Variants in NUP98 observed in about 807,000 individuals in gnomAD.
NUP98 encodes nuclear pore complex protein Nup98-Nup96.
Under a neutral mutation model 191.9 loss-of-function variants are expected in NUP98, and 26 were observed. The ratio of observed to expected loss-of-function variants is 0.14; its 90% CI spans 0.10 to 0.19. The LOEUF (loss-of-function observed/expected upper bound fraction) is 0.19, where lower values mean the gene tolerates loss of function less well. NUP98 is among the 10% of genes least tolerant of loss of function. The pLI, the probability that NUP98 is intolerant of heterozygous loss-of-function variation, is 1.00. For synonymous variants in NUP98, 808 were observed against 778.4 expected, an observed-to-expected ratio of 1.04 and a Z score of -0.63; for missense variants, 1,941 against 2,178.8, an observed-to-expected ratio of 0.89 and a Z score of 2.17.
intron 10 of NUP98, among the ~76,000 whole-genome samples, chr11:3,759,720 T>C (rs1007159078): frequency 1.3e-5 from 2 of 152,194 alleles, no homozygotes; most frequent in Non-Finnish European, 2.9e-5. Flanking sequence ...TTTCCAGATT[T>C]TCAACAATGA....
At chr11:3,721,268 T>C (rs1699273439) in intron 16 of NUP98, among the ~76,000 whole-genome samples, 1 of 152,222 alleles carries the variant, frequency 6.6e-6, no homozygotes, top group African/African-American at 2.4e-5. Flanking sequence ...AAATAACTTG[T>C]GTTGGCTTAT....
intron 13 of NUP98, 22 bp from the exon 14 acceptor site, chr11:3,731,600 G>A: frequency 1.3e-6 from 2 of 1,498,252 alleles, no homozygotes; most frequent in Non-Finnish European, 1.8e-6. Flanking sequence ...AAGCATCAAG[G>A]AAATTTTTGG....
At chr11:3,779,598 G>A (rs1164729418) in intron 2 of NUP98, among the ~76,000 whole-genome samples, 2 of 150,604 alleles carry the variant, frequency 1.3e-5, no homozygotes, top group African/African-American at 4.9e-5. Context: ...CCAAGATCGT[G>A]CCACTGCACT....
chr11:3,765,528 A>G (rs935004567), intron 8 of NUP98, among the ~76,000 whole-genome samples: 1 of 152,172 alleles, frequency 6.6e-6, no homozygotes, highest in East Asian at 1.9e-4. Context: ...GGCCAGGCAT[A>G]GTGGCTCACA....
chr11:3,773,186 G>C (rs1302315016), intron 6 of NUP98, among the ~76,000 whole-genome samples: 1 of 152,074 alleles, frequency 6.6e-6, no homozygotes. Context: ...AAAATCGCTT[G>C]AGCTCAGGAG....
chr11:3,698,077 TTAC>T (rs1261178626), intron 25 of NUP98, among the ~76,000 whole-genome samples: 2 of 152,134 alleles, frequency 1.3e-5, no homozygotes, highest in South Asian at 4.1e-4. Context: ...AGGAAGAAAT[TTAC>T]TACTATGGTA....
At chr11:3,780,754 G>A (rs1347599887) in intron 2 of NUP98, among the ~76,000 whole-genome samples, 1 of 151,406 alleles carries the variant, frequency 6.6e-6, no homozygotes, top group African/African-American at 2.4e-5. Context: ...TGGGCAACAC[G>A]GCAAGATCTC....
In NUP98 at chr11:3,676,513, C is replaced by T; in HGVS notation, c.5181G>A (p.Gln1727=). The stretch of plus-strand genomic sequence containing the variant: ...GTGAGGAGGTTAGAGGCTTACCTGA[C>T]TGAGCCAGGCGATCTTTAGCACTGT... ...QCYSAKDRLA[Q]SDMAKRVANL... The change falls in exon 32 of 33, where the codon CAG becomes CAA. Residue 1727 remains glutamine (Q), a synonymous_variant. Transcript: ENST00000324932. The T allele has an allele frequency of 6.2e-7, 1 of 1,613,792 alleles. No homozygotes were observed. The highest frequency in any genetic ancestry group is 8.5e-7 in the Non-Finnish European group (1 of 1,179,674).
chr11:3,692,986 A>G, intron 27 of NUP98: 1 of 387,298 alleles, frequency 2.6e-6, no homozygotes, highest in East Asian at 4.2e-5. Flanking sequence ...GGAATTCCCA[A>G]AGAAGTAAGA....
At position 3,699,229 on chromosome 11, in the gene NUP98, C is replaced by T; in HGVS notation, c.3862G>A (p.Ala1288Thr). ...EYIQILERRR[A>T]FSRWLSCTAT... ...GTACAGGATAGCCAGCGGGAGAAAG[C>T]TCTTCTTCGCTCCAGAATTTGAATG... The change falls in exon 25 of 33, where the codon GCT becomes ACT. Residue 1288 changes from alanine (A) to threonine (T), a missense_variant. This residue lies in a region of NUP98 where 1,030 missense variants were observed against 1,115.8 expected (regional missense o/e 0.92). Coordinates refer to ENST00000324932, the MANE Select transcript of NUP98 (RefSeq NM_016320.5). 2 of 1,614,204 alleles carry T rather than the reference C, an allele frequency of 1.2e-6. No individual in the cohort carries two copies. Among genetic ancestry groups the T allele is most frequent in the African/African-American group, 2.7e-5 (2 of 75,044 alleles).
intron 28 of NUP98, among the ~76,000 whole-genome samples, chr11:3,688,820 CATAT>C (rs71041372): frequency 0.011 from 1,491 of 136,200 alleles, 12 homozygotes; most frequent in Middle Eastern, 0.023. Flanking sequence ...TTTAAATATA[CATAT>C]ATATATATAT....
At chr11:3,789,778 ATTTT>A (rs2082273754) in intron 1 of NUP98, among the ~76,000 whole-genome samples, 1 of 148,366 alleles carries the variant, frequency 6.7e-6, no homozygotes, top group Non-Finnish European at 1.5e-5. Flanking sequence ...CCATTTACTT[ATTTT>A]TTATTTATTT....
At chr11:3,777,254 TA>T (rs879559293) in intron 4 of NUP98, among the ~76,000 whole-genome samples, 81 of 151,770 alleles carry the variant, frequency 5.3e-4, no homozygotes, top group Middle Eastern at 3.4e-3. Flanking sequence ...AAGCTGAGTT[TA>T]AAAAAAAATT....
At chr11:3,694,604 G>T (rs560217888) in intron 26 of NUP98, among the ~76,000 whole-genome samples, 1 of 152,094 alleles carries the variant, frequency 6.6e-6, no homozygotes, top group Non-Finnish European at 1.5e-5. Flanking sequence ...GCCCAGCGTG[G>T]TGGCAGGTGC....
chr11:3,784,748 T>C (rs2133960806), intron 1 of NUP98, among the ~76,000 whole-genome samples: 1 of 151,734 alleles, frequency 6.6e-6, no homozygotes, highest in Admixed American at 6.6e-5. Flanking sequence ...CAAACAAAAA[T>C]ACAAACCCCC....
chr11:3,694,904 G>T (rs1207977986), intron 26 of NUP98, among the ~76,000 whole-genome samples: 1 of 151,642 alleles, frequency 6.6e-6, no homozygotes, highest in Non-Finnish European at 1.5e-5. Flanking sequence ...TTTTTTAAAT[G>T]AACAAAATAT....
At chr11:3,740,362 T>C (rs1469313932) in intron 12 of NUP98, among the ~76,000 whole-genome samples, 1 of 151,798 alleles carries the variant, frequency 6.6e-6, no homozygotes, top group Non-Finnish European at 1.5e-5. Flanking sequence ...AATACAAAAA[T>C]TAGCCGGGCG....
At chr11:3,698,200 C>T (rs186846387) in intron 25 of NUP98, among the ~76,000 whole-genome samples, 81 of 152,172 alleles carry the variant, frequency 5.3e-4, no homozygotes, top group Admixed American at 1.2e-3. Flanking sequence ...CAGGATATCA[C>T]CTTTGAAAAG....
chr11:3,752,573 G>C (rs1168328627), intron 11 of NUP98, among the ~76,000 whole-genome samples: 2 of 151,290 alleles, frequency 1.3e-5, no homozygotes, highest in Non-Finnish European at 2.9e-5. Context: ...ACAGATGAAT[G>C]CTCAGATGAT....
Sources: gnomAD v4.1 joint callset for allele counts (sites outside exome capture counted in the v4.1 genomes callset) on GRCh38, gnomAD v4.1.1 for gene constraint, gnomAD v4.1.1 regional missense constraint, MANE v1.5 for transcripts, NCBI Gene and HGNC (gene_info 2026-07-23, HGNC 2026-07-21) for gene names.